NELL1: variants seen among roughly 807,000 people sequenced by gnomAD.
The protein encoded by NELL1 is neural EGFL like 1.
A neutral mutation model predicts 107.4 loss-of-function variants in NELL1; 76 were observed. The ratio of observed to expected loss-of-function variants is 0.71; its 90% confidence interval spans 0.59 to 0.86. The LOEUF is 0.86. NELL1 is among the 40% of genes least tolerant of loss of function. The pLI, the probability that NELL1 is intolerant of heterozygous loss-of-function variation, is 0.00. For synonymous variants in NELL1, 353 were observed against 341.2 expected (o/e 1.03, Z -0.38); for missense variants, 1,024 against 1,005.5 (o/e 1.02, Z -0.25).
intron 12 of NELL1, among the ~76,000 whole-genome samples, chr11:21,071,897 C>A (rs541415261): frequency 1.3e-5 from 2 of 152,230 alleles, no homozygotes; most frequent in Admixed American, 1.3e-4. Context: ...ATTTACCTTC[C>A]TTCAGGCTTA....
At chr11:21,187,934 C>T (rs2133831872) in intron 13 of NELL1, among the ~76,000 whole-genome samples, 1 of 151,962 alleles carries the variant, frequency 6.6e-6, no homozygotes, top group African/African-American at 2.4e-5. Flanking sequence ...ACTTTTAGAA[C>T]CTCAATTTCT....
intron 5 of NELL1, among the ~76,000 whole-genome samples, chr11:20,898,301 T>A (rs1244064142): frequency 6.6e-6 from 1 of 152,084 alleles, no homozygotes; most frequent in Non-Finnish European, 1.5e-5. Context: ...ACCATCATTC[T>A]CAGTAAACTA....
intron 15 of NELL1, among the ~76,000 whole-genome samples, chr11:21,507,759 T>A (rs1210490887): frequency 6.6e-6 from 1 of 150,696 alleles, no homozygotes; most frequent in Non-Finnish European, 1.5e-5. Flanking sequence ...AGAGAGTTAT[T>A]AAAAGCAAAA....
intron 2 of NELL1, among the ~76,000 whole-genome samples, chr11:20,731,236 C>T (rs1358972444): frequency 1.3e-5 from 2 of 152,238 alleles, no homozygotes; most frequent in Non-Finnish European, 2.9e-5. Context: ...CTGTGAATGT[C>T]TTGACACCTT....
At chr11:20,952,498 G>A (rs1851088415) in intron 11 of NELL1, among the ~76,000 whole-genome samples, 1 of 152,126 alleles carries the variant, frequency 6.6e-6, no homozygotes, top group South Asian at 2.1e-4. Context: ...AAGGATTTCA[G>A]GGAATTTGAG....
chr11:20,728,593 TC>T (rs1275268053), intron 2 of NELL1, among the ~76,000 whole-genome samples: 4 of 151,150 alleles, frequency 2.6e-5, no homozygotes, highest in Admixed American at 6.6e-5. Flanking sequence ...TTTTTTTTTT[TC>T]AACTTTGTTA....
intron 13 of NELL1, among the ~76,000 whole-genome samples, chr11:21,184,508 G>C (rs1393979996): frequency 6.6e-6 from 1 of 151,782 alleles, no homozygotes; most frequent in Non-Finnish European, 1.5e-5. Context: ...GACCCCAAGT[G>C]ATCCACCTGC....
rs571733865 is a variant in NELL1 at position 21,132,293 on chromosome 11, G to A, written c.1426+18579G>A. 2.6e-5 allele frequency among the ~76,000 whole-genome samples: 4 copies of A among 152,246 alleles called. No individual in the cohort carries two copies. In the South Asian group the frequency reaches 8.3e-4, roughly 32 times the overall value. On this transcript the variant is annotated intron_variant, in intron 13 of 19. Coordinates refer to ENST00000357134, the MANE Select transcript of NELL1 (RefSeq NM_006157.5). The stretch of plus-strand genomic sequence containing the variant: ...TGTGGGATTGTCACGGGATCCTTGG[G>A]GTGTTGCCTCACCAGCTGGAAACCT...
chr11:21,361,161 A>C (rs1851066512), intron 14 of NELL1, among the ~76,000 whole-genome samples: 1 of 151,234 alleles, frequency 6.6e-6, no homozygotes, highest in Non-Finnish European at 1.5e-5. Context: ...CTGGCTTGGT[A>C]GTGGTGAATT....
At chr11:21,287,558 A>G (rs1451258135) in intron 14 of NELL1, among the ~76,000 whole-genome samples, 2 of 152,106 alleles carry the variant, frequency 1.3e-5, no homozygotes, top group Non-Finnish European at 2.9e-5. Context: ...TCCAATATCA[A>G]TGCAATGTGG....
At position 21,429,989 on chromosome 11, in the gene NELL1, G is replaced by C. The variant is rs117000975; in HGVS notation, c.1645+59041G>C. ...GTTGTGGTGAAGATTAAATAACAAA[G>C]ACAATTTCTATACGGAACTTGAAAC... is the stretch of plus-strand genomic sequence containing the variant. On this transcript the variant is annotated intron_variant, in intron 15 of 19. Coordinates refer to ENST00000357134, the MANE Select transcript of NELL1 (RefSeq NM_006157.5). Among the ~76,000 whole-genome samples, 49 of 152,202 alleles carry C rather than the reference G, an allele frequency of 3.2e-4. No homozygotes were observed. The East Asian group carries it at 9.1e-3, about 28-fold the overall frequency.
At chr11:20,867,187 G>A (rs949228449) in intron 4 of NELL1, among the ~76,000 whole-genome samples, 1 of 152,174 alleles carries the variant, frequency 6.6e-6, no homozygotes, top group African/African-American at 2.4e-5. Context: ...GAAATGAGGG[G>A]AAAGTAGAAT....
At chr11:20,684,021 T>G (rs978857428) in intron 2 of NELL1, among the ~76,000 whole-genome samples, 3 of 147,336 alleles carry the variant, frequency 2.0e-5, no homozygotes, top group Admixed American at 6.8e-5. Context: ...TGTTCGTTCT[T>G]TTTTTTTTTT....
chr11:21,212,016 G>A (rs949281508), intron 13 of NELL1, among the ~76,000 whole-genome samples: 1 of 152,004 alleles, frequency 6.6e-6, no homozygotes, highest in Non-Finnish European at 1.5e-5. Flanking sequence ...AGTAGAGATG[G>A]GGTTTCACCA....
chr11:20,705,808 C>T (rs983269694), intron 2 of NELL1, among the ~76,000 whole-genome samples: 3 of 151,462 alleles, frequency 2.0e-5, no homozygotes, highest in Non-Finnish European at 2.9e-5. Flanking sequence ...TGAACGCCAA[C>T]AAATTTACAA....
At chr11:20,764,880 G>A (rs1222455068) in intron 2 of NELL1, among the ~76,000 whole-genome samples, 2 of 152,012 alleles carry the variant, frequency 1.3e-5, no homozygotes, top group African/African-American at 4.8e-5. Flanking sequence ...TTGGAATGAG[G>A]GCTGGGAAGG....
At chr11:20,721,598 C>A (rs78217944) in intron 2 of NELL1, among the ~76,000 whole-genome samples, 1 of 152,254 alleles carries the variant, frequency 6.6e-6, no homozygotes, top group East Asian at 1.9e-4. Flanking sequence ...TAAGTCTTAT[C>A]GCCAAGCCTT....
At chr11:21,038,728 G>T (rs187314821) in intron 12 of NELL1, among the ~76,000 whole-genome samples, 225 of 152,272 alleles carry the variant, frequency 1.5e-3, no homozygotes, top group Non-Finnish European at 2.4e-3. Flanking sequence ...GTGGGGAGGG[G>T]TAGATTAGCT....
chr11:21,147,559 A>G (rs556674660), intron 13 of NELL1, among the ~76,000 whole-genome samples: 15 of 152,136 alleles, frequency 9.9e-5, no homozygotes, highest in African/African-American at 3.6e-4. Flanking sequence ...TAGGCTGGGC[A>G]TGGTGGCTCC....
Sources: allele counts gnomAD v4.1 joint callset (sites outside exome capture counted in the v4.1 genomes callset), GRCh38; gene constraint gnomAD v4.1.1; transcripts MANE v1.5; gene names NCBI Gene and HGNC (gene_info 2026-07-23, HGNC 2026-07-21).